NTRK3: variants seen among roughly 807,000 people sequenced by gnomAD.
NTRK3 encodes NT-3 growth factor receptor.
A neutral mutation model predicts 91.7 loss-of-function variants in NTRK3; 24 were observed. The ratio of observed to expected loss-of-function variants is 0.26; its 90% CI spans 0.19 to 0.37. NTRK3 has a LOEUF of 0.37. Ranked by LOEUF, NTRK3 falls within the 10% of genes least tolerant of loss-of-function variation. NTRK3 has a pLI of 1.00. For synonymous variants in NTRK3, 483 were observed against 404.0 expected (o/e 1.20, Z -2.34); for missense variants, 880 against 1,068.9 (o/e 0.82, Z 2.46).
chr15:88,232,662 G>A (rs547326782), intron 3 of NTRK3, among the ~76,000 whole-genome samples: 106 of 152,278 alleles, frequency 7.0e-4, no homozygotes, highest in African/African-American at 2.4e-3. Flanking sequence ...CAACCTCTGA[G>A]GAGCTGATTT....
intron 17 of NTRK3, among the ~76,000 whole-genome samples, chr15:87,896,351 G>A (rs952809736): frequency 6.6e-6 from 1 of 151,870 alleles, no homozygotes; most frequent in Non-Finnish European, 1.5e-5. Flanking sequence ...CACACCTGTA[G>A]TCCCAACTAC....
intron 13 of NTRK3, among the ~76,000 whole-genome samples, chr15:88,081,758 C>T (rs979652173): frequency 6.6e-6 from 1 of 152,176 alleles, no homozygotes; most frequent in Non-Finnish European, 1.5e-5. Context: ...TTCCCATGCC[C>T]GCTTGTTCCT....
At chr15:88,230,162 G>A (rs948669700) in intron 3 of NTRK3, among the ~76,000 whole-genome samples, 4 of 152,236 alleles carry the variant, frequency 2.6e-5, no homozygotes, top group African/African-American at 9.6e-5. Context: ...TTGTTCAGCT[G>A]TGATTAAATT....
chr15:88,064,194 C>G (rs1022511185), intron 13 of NTRK3, among the ~76,000 whole-genome samples: 2 of 152,218 alleles, frequency 1.3e-5, no homozygotes, highest in African/African-American at 2.4e-5. Context: ...AGACAGATTT[C>G]TCTTAAAAAG....
At chr15:88,226,893 A>T (rs1367020343) in intron 3 of NTRK3, among the ~76,000 whole-genome samples, 1 of 152,238 alleles carries the variant, frequency 6.6e-6, no homozygotes. Flanking sequence ...CAGCAAACTG[A>T]GGCTCAGAGA....
chr15:88,242,090 C>A (rs1173078434), intron 3 of NTRK3, among the ~76,000 whole-genome samples: 2 of 152,292 alleles, frequency 1.3e-5, no homozygotes, highest in African/African-American at 4.8e-5. Context: ...CACGTAGCCA[C>A]CTGCGCATGG....
At chr15:87,886,676 C>CTACATATATATATATA (rs1555429880) in intron 17 of NTRK3, among the ~76,000 whole-genome samples, 14 of 101,170 alleles carry the variant, frequency 1.4e-4, no homozygotes, top group Middle Eastern at 5.0e-3. Context: ...CCACTTTTTG[C>CTACATATATATATATA]TATATATATA....
intron 14 of NTRK3, among the ~76,000 whole-genome samples, chr15:87,976,365 C>T (rs934491796): frequency 2.6e-5 from 4 of 152,286 alleles, no homozygotes; most frequent in African/African-American, 4.8e-5. Flanking sequence ...AAAGCACCAA[C>T]CTAGCCTGAT....
chr15:87,912,931 A>AAAAAAAATATATATATATAT (rs1484111389), intron 17 of NTRK3, among the ~76,000 whole-genome samples: 1 of 36,496 alleles, frequency 2.7e-5, no homozygotes, highest in Non-Finnish European at 4.7e-5. Flanking sequence ...AGTAAAAAAA[A>AAAAAAAATATATATATATAT]ATATATATAT....
At chr15:87,967,898 T>C (rs1194132002) in intron 14 of NTRK3, among the ~76,000 whole-genome samples, 1 of 152,180 alleles carries the variant, frequency 6.6e-6, no homozygotes, top group Non-Finnish European at 1.5e-5. Flanking sequence ...TACACTTGGA[T>C]CAAAGTGCAT....
In NTRK3 at chr15:88,137,453, G is replaced by A. The variant is rs1128994; in HGVS notation, c.573C>T (p.Asn191=). ...AGAGAGGAAGCTGGGAGCCATCAGC[G>A]TTGATGCAGTAGAGGTTCTGGCTGT... Residue 191 remains asparagine, a synonymous_variant, in exon 7 of 19, where the codon AAC becomes AAT. Coordinates refer to ENST00000394480, the Ensembl canonical transcript of NTRK3. 0.27 allele frequency: 433,788 copies of A among 1,613,770 alleles called. 59,586 individuals are homozygous for A. The highest frequency in any genetic ancestry group is 0.38 in the African/African-American group (28,282 of 74,972).
exon 16 of NTRK3, chr15:87,933,075 T>A: frequency 6.2e-7 from 1 of 1,614,078 alleles, no homozygotes; most frequent in Non-Finnish European, 8.5e-7. Flanking sequence ...GGGGTCCCCA[T>A]CGCCGCACAC....
chr15:88,097,448 G>C (rs3784420), intron 13 of NTRK3, among the ~76,000 whole-genome samples: 2,429 of 152,296 alleles, frequency 0.016, 51 homozygotes, highest in African/African-American at 0.054. Flanking sequence ...GGAAGAGATA[G>C]TCTCATACAC....
rs369757779 is a variant in NTRK3, at chr15:88,094,192, C to T, written c.1396+32079G>A. Among the ~76,000 whole-genome samples the T allele has an allele frequency of 6.7e-4, 102 of 152,012 alleles. 3 individuals carry two copies. The South Asian group carries it at 0.021, about 31-fold the overall frequency. ...TAAGAATAAAAAGAAGTCGGCCGGG[C>T]GCGGTGGCTCACGCCTGTAATCCCA... On this transcript the variant is annotated intron_variant, in intron 13 of 18. Coordinates refer to ENST00000394480, the Ensembl canonical transcript of NTRK3.
At chr15:88,205,198 G>A (rs187554162) in intron 3 of NTRK3, among the ~76,000 whole-genome samples, 1 of 152,242 alleles carries the variant, frequency 6.6e-6, no homozygotes, top group East Asian at 1.9e-4. Context: ...CTGGATTCAG[G>A]GTTTAAAATG....
At chr15:87,886,735 TAAAC>T (rs1253657740) in intron 17 of NTRK3, among the ~76,000 whole-genome samples, 4 of 127,694 alleles carry the variant, frequency 3.1e-5, no homozygotes, top group East Asian at 2.3e-4. Context: ...CACACACACA[TAAAC>T]ACACACACAC....
At chr15:88,084,309 C>T (rs1321423588) in intron 13 of NTRK3, among the ~76,000 whole-genome samples, 1 of 152,070 alleles carries the variant, frequency 6.6e-6, no homozygotes, top group African/African-American at 2.4e-5. Context: ...CCAAATCTGA[C>T]CAGGAGAAGA....
intron 14 of NTRK3, among the ~76,000 whole-genome samples, chr15:87,967,459 T>C (rs560763206): frequency 6.6e-6 from 1 of 152,306 alleles, no homozygotes; most frequent in Non-Finnish European, 1.5e-5. Context: ...TAAACTTAAA[T>C]AGGCACTCCC....
intron 10 of NTRK3, among the ~76,000 whole-genome samples, chr15:88,132,322 A>G (rs1019484420): frequency 6.6e-6 from 1 of 152,268 alleles, no homozygotes; most frequent in Non-Finnish European, 1.5e-5. Context: ...ACTGCTATGC[A>G]CTTGGCAGGC....
Sources: allele counts gnomAD v4.1 joint callset (sites outside exome capture counted in the v4.1 genomes callset), GRCh38; gene constraint gnomAD v4.1.1; transcripts MANE v1.5; gene names NCBI Gene and HGNC (gene_info 2026-07-23, HGNC 2026-07-21).